RFX7: variants seen among roughly 807,000 people sequenced by gnomAD.
The protein encoded by RFX7 is DNA-binding protein RFX7.
A neutral mutation model predicts 111.8 loss-of-function variants in RFX7; 26 were observed. The ratio of observed to expected loss-of-function variants is 0.23; its 90% CI spans 0.17 to 0.32. The LOEUF is 0.32. RFX7 is among the 10% of genes least tolerant of loss of function. The probability of loss-of-function intolerance (pLI) is 1.00; values close to 1 mark genes in which losing one functional copy is unlikely to be tolerated. For missense variants in RFX7, 1,573 were observed against 1,772.9 expected (o/e 0.89, Z 2.02); for synonymous variants, 624 against 624.4 (o/e 1.00, Z 0.01).
intron 5 of RFX7, among the ~76,000 whole-genome samples, chr15:56,130,696 A>C (rs1248734022): frequency 2.0e-5 from 3 of 152,086 alleles, no homozygotes; most frequent in Non-Finnish European, 4.4e-5. Flanking sequence ...AATGAAAAAA[A>C]GACAAGAAAA....
intron 3 of RFX7, among the ~76,000 whole-genome samples, chr15:56,151,124 T>C (rs577179551): frequency 6.6e-6 from 1 of 152,128 alleles, no homozygotes; most frequent in African/African-American, 2.4e-5. Flanking sequence ...TGGAACTAAG[T>C]TGGAAAACAC....
chr15:56,183,571 T>G (rs1388851431), intron 2 of RFX7, among the ~76,000 whole-genome samples: 1 of 152,186 alleles, frequency 6.6e-6, no homozygotes, highest in Non-Finnish European at 1.5e-5. Context: ...ATTATTAATC[T>G]ACTCACCTAT....
At chr15:56,108,065 T>C (rs1362960986) in intron 5 of RFX7, among the ~76,000 whole-genome samples, 1 of 152,096 alleles carries the variant, frequency 6.6e-6, no homozygotes, top group African/African-American at 2.4e-5. Flanking sequence ...CAGTAATAAA[T>C]AGCCTACCAA....
chr15:56,178,184 C>CAT (rs202104366), intron 3 of RFX7, among the ~76,000 whole-genome samples: 21,427 of 142,138 alleles, frequency 0.15, 2,103 homozygotes, highest in Non-Finnish European at 0.21. Flanking sequence ...CACACACACA[C>CAT]ACACACACAC....
intron 2 of RFX7, among the ~76,000 whole-genome samples, chr15:56,182,445 C>T (rs1034406785): frequency 6.6e-6 from 1 of 152,098 alleles, no homozygotes; most frequent in Non-Finnish European, 1.5e-5. Flanking sequence ...TTCTGCCTAG[C>T]CTTATACCCC....
chr15:56,118,531 A>G (rs1364331235), intron 5 of RFX7, among the ~76,000 whole-genome samples: 1 of 152,162 alleles, frequency 6.6e-6, no homozygotes, highest in East Asian at 1.9e-4. Context: ...ATCTCATTCT[A>G]TTTTTATGGC....
At chr15:56,195,191 A>C (rs1438345340) in intron 2 of RFX7, among the ~76,000 whole-genome samples, 2 of 152,148 alleles carry the variant, frequency 1.3e-5, no homozygotes, top group Non-Finnish European at 2.9e-5. Context: ...CCCTGTATAC[A>C]AAATCTCCAG....
chr15:56,213,221 A>G (rs1229584133), intron 2 of RFX7, among the ~76,000 whole-genome samples: 1 of 152,232 alleles, frequency 6.6e-6, no homozygotes, highest in African/African-American at 2.4e-5. Context: ...GATTATGTTC[A>G]CATAAAAACC....
Position 56,243,595 on chromosome 15 carries a change from G to A in RFX7, c.-153C>T. On this transcript the variant is annotated 5_prime_UTR_variant, in exon 1 of 10. Coordinates refer to ENST00000559447, the MANE Select transcript of RFX7 (RefSeq NM_022841.7). ...GGCGCCGCCGCCTCCTCCCGTCAGC[G>A]GCCGGGGCTGTGGGGGGGTGAGATG... 1.6e-6 allele frequency: 1 copy of A among 626,948 alleles called. No homozygotes were observed. The highest frequency in any genetic ancestry group is 2.0e-6 in the Non-Finnish European group (1 of 503,866). 38.8% of individuals were successfully genotyped at this position (626,948 alleles called of 1,614,324 possible).
intron 5 of RFX7, among the ~76,000 whole-genome samples, chr15:56,118,189 C>A (rs957473901): frequency 3.3e-5 from 5 of 152,144 alleles, no homozygotes; most frequent in Admixed American, 6.5e-5. Flanking sequence ...GTGTTACCAA[C>A]AATCCATTTA....
chr15:56,226,521 T>C (rs1311116426), intron 2 of RFX7, among the ~76,000 whole-genome samples: 1 of 152,136 alleles, frequency 6.6e-6, no homozygotes, highest in African/African-American at 2.4e-5. Flanking sequence ...TAACAAACTC[T>C]GATCATCATT....
chr15:56,141,945 A>T (rs1360857437), intron 5 of RFX7, among the ~76,000 whole-genome samples: 2 of 151,934 alleles, frequency 1.3e-5, no homozygotes, highest in South Asian at 2.1e-4. Context: ...AGGTAGTAAG[A>T]ACTGTGAATA....
intron 2 of RFX7, among the ~76,000 whole-genome samples, chr15:56,213,361 G>A (rs1482393437): frequency 6.6e-5 from 10 of 152,038 alleles, no homozygotes; most frequent in African/African-American, 2.4e-4. Context: ...ATAATAAAGA[G>A]GAATAAATTA....
rs576845585 is a variant in RFX7 at position 56,182,883 on chromosome 15, AT to A, written c.162-3581del. Among the ~76,000 whole-genome samples, 18 of 152,022 alleles carry A rather than the reference AT, an allele frequency of 1.2e-4. No individual in the cohort carries two copies. In the South Asian group the frequency reaches 3.7e-3, roughly 32 times the overall value. ...GTCAATTTTCTAGGGCTTATAAATG[AT>A]TTTTTTCTATTTTATTTTATATTAA... On this transcript the variant is annotated intron_variant, in intron 2 of 9. Coordinates refer to ENST00000559447, the MANE Select transcript of RFX7 (RefSeq NM_022841.7).
At chr15:56,151,774 A>G (rs1340098844) in intron 3 of RFX7, among the ~76,000 whole-genome samples, 1 of 151,206 alleles carries the variant, frequency 6.6e-6, no homozygotes, top group African/African-American at 2.5e-5. Flanking sequence ...CAAATTAGAT[A>G]AAGAGTCAAG....
At chr15:56,127,312 G>A (rs1420702033) in intron 5 of RFX7, among the ~76,000 whole-genome samples, 1 of 151,644 alleles carries the variant, frequency 6.6e-6, no homozygotes, top group Non-Finnish European at 1.5e-5. Context: ...TATATGGGAT[G>A]TAGTCAAAGA....
At chr15:56,241,729 C>T (rs1468320916) in intron 2 of RFX7, among the ~76,000 whole-genome samples, 3 of 152,124 alleles carry the variant, frequency 2.0e-5, no homozygotes, top group Non-Finnish European at 4.4e-5. Context: ...GTCACACACA[C>T]ACACACACAC....
intron 2 of RFX7, among the ~76,000 whole-genome samples, chr15:56,223,023 G>T (rs2043443006): frequency 6.6e-6 from 1 of 152,038 alleles, no homozygotes; most frequent in African/African-American, 2.4e-5. Flanking sequence ...TTACTCTATG[G>T]GTAAAGTAGC....
chr15:56,173,920 C>T (rs1363337481), intron 3 of RFX7, among the ~76,000 whole-genome samples: 2 of 151,850 alleles, frequency 1.3e-5, no homozygotes, highest in Non-Finnish European at 2.9e-5. Context: ...GATAGAGATA[C>T]TACAATTAGC....
Sources: allele counts gnomAD v4.1 joint callset (sites outside exome capture counted in the v4.1 genomes callset), GRCh38; gene constraint gnomAD v4.1.1; transcripts MANE v1.5; gene names NCBI Gene and HGNC (gene_info 2026-07-23, HGNC 2026-07-21).